R3HDM2: variants seen among roughly 807,000 people sequenced by gnomAD.
R3HDM2 encodes R3H domain containing 2, also known as R3H domain-containing protein 2.
Under a neutral mutation model 124.5 loss-of-function variants are expected in R3HDM2, and 38 were observed. The observed-to-expected ratio is 0.31, with a 90% CI of 0.24 to 0.40. R3HDM2 has a LOEUF of 0.40. R3HDM2 is among the 10% of genes least tolerant of loss of function. The pLI is 1.00. For missense variants in R3HDM2, 869 were observed against 1,236.9 expected (o/e 0.70, Z 4.46); for synonymous variants, 391 against 448.0 (o/e 0.87, Z 1.61).
intron 11 of R3HDM2, among the ~76,000 whole-genome samples, chr12:57,290,284 G>A (rs1300492231): frequency 6.6e-6 from 1 of 152,220 alleles, no homozygotes; most frequent in Non-Finnish European, 1.5e-5. Flanking sequence ...ACACATCACA[G>A]ATAGTCAGCT....
At chr12:57,353,849 GT>G (rs372758356) in intron 2 of R3HDM2, among the ~76,000 whole-genome samples, 7 of 151,736 alleles carry the variant, frequency 4.6e-5, no homozygotes, top group African/African-American at 9.7e-5. Flanking sequence ...GTAAAAATAT[GT>G]TTTTTTTATT....
chr12:57,364,224 T>A (rs1167335836), intron 2 of R3HDM2, among the ~76,000 whole-genome samples: 1 of 143,762 alleles, frequency 7.0e-6, no homozygotes, highest in African/African-American at 2.6e-5. Flanking sequence ...CTCAGTCAAC[T>A]GCAACCTTCA....
In R3HDM2 at chr12:57,363,666, T is replaced by C. The variant is rs191975992; in HGVS notation, c.-36+32083A>G. 1.7e-4 allele frequency among the ~76,000 whole-genome samples: 26 copies of C among 152,294 alleles called. No individual in the cohort carries two copies. The East Asian group carries it at 3.5e-3, about 20-fold the overall frequency. On this transcript the variant is annotated intron_variant, in intron 2 of 23. Coordinates refer to ENST00000402412, the MANE Select transcript of R3HDM2 (RefSeq NM_001394031.1). ...CATTACACATTAGAGTATCAAAACATCATCACTATGTAACCCATAAATATA... is the reference window on the plus strand; with the variant it reads ...CATTACACATTAGAGTATCAAAACACCATCACTATGTAACCCATAAATATA...
chr12:57,355,353 G>C (rs529784449), intron 2 of R3HDM2, among the ~76,000 whole-genome samples: 1 of 151,254 alleles, frequency 6.6e-6, no homozygotes, highest in South Asian at 2.1e-4. Flanking sequence ...CAACTACTCG[G>C]GAGGCTGAGG....
intron 2 of R3HDM2, among the ~76,000 whole-genome samples, chr12:57,380,848 C>A (rs1270200264): frequency 6.6e-6 from 1 of 152,134 alleles, no homozygotes; most frequent in African/African-American, 2.4e-5. Context: ...TGAAATGCCT[C>A]AAGGTGTGTA....
chr12:57,406,641 A>G (rs1160178362), intron 1 of R3HDM2, among the ~76,000 whole-genome samples: 4 of 152,220 alleles, frequency 2.6e-5, no homozygotes, highest in Non-Finnish European at 4.4e-5. Context: ...ATGAAGTTCA[A>G]TGAAGTAAGG....
At chr12:57,336,156 G>T (rs2058825031) in intron 2 of R3HDM2, among the ~76,000 whole-genome samples, 1 of 151,646 alleles carries the variant, frequency 6.6e-6, no homozygotes, top group South Asian at 2.1e-4. Context: ...AATAACAGAT[G>T]CTGGTGAGGT....
chr12:57,299,158 T>TGTG (rs2050553926), intron 6 of R3HDM2, among the ~76,000 whole-genome samples, 194 bp downstream of exon 6: 1 of 152,222 alleles, frequency 6.6e-6, no homozygotes, highest in Non-Finnish European at 1.5e-5. Flanking sequence ...AGTAGCTGTC[T>TGTG]GTGGCATGTG....
At chr12:57,416,199 C>CA (rs1422961181) in intron 1 of R3HDM2, among the ~76,000 whole-genome samples, 3 of 151,492 alleles carry the variant, frequency 2.0e-5, no homozygotes, top group African/African-American at 7.3e-5. Context: ...TACAGTAACA[C>CA]AAAAAACTGT....
chr12:57,302,339 T>C (rs1217243561), intron 4 of R3HDM2, among the ~76,000 whole-genome samples: 1 of 147,264 alleles, frequency 6.8e-6, no homozygotes, highest in Non-Finnish European at 1.5e-5. Context: ...ATCCTAGCAC[T>C]TTGTGGGGCT....
chr12:57,340,762 G>C (rs1320265357), intron 2 of R3HDM2, among the ~76,000 whole-genome samples: 1 of 152,058 alleles, frequency 6.6e-6, no homozygotes, highest in Non-Finnish European at 1.5e-5. Context: ...AACACACATT[G>C]ACAGATAGGT....
At position 57,301,272 on chromosome 12, in the gene R3HDM2, A is replaced by T. The variant is rs139976948; in HGVS notation, c.208-1091T>A. Among the ~76,000 whole-genome samples, 508 of 152,294 alleles carry T rather than the reference A, an allele frequency of 3.3e-3. 10 individuals are homozygous for T. Among genetic ancestry groups the T allele is most frequent in the Admixed American group, 0.03 (457 of 15,298 alleles). ...CCACTATGCAAATCATTTCCCTCCT[A>T]GGGACCCACCCAAAGCTAAAAACTA... On this transcript the variant is annotated intron_variant, in intron 4 of 23. Coordinates refer to ENST00000402412, the MANE Select transcript of R3HDM2 (RefSeq NM_001394031.1).
At chr12:57,284,495 C>T (rs1380519055) in intron 12 of R3HDM2, among the ~76,000 whole-genome samples, 1 of 152,218 alleles carries the variant, frequency 6.6e-6, no homozygotes, top group Non-Finnish European at 1.5e-5. Flanking sequence ...GAGCCAATGA[C>T]ATGGATAAAA....
chr12:57,329,051 C>T (rs2057731341), intron 2 of R3HDM2, among the ~76,000 whole-genome samples: 1 of 152,150 alleles, frequency 6.6e-6, no homozygotes, highest in East Asian at 1.9e-4. Flanking sequence ...ATAAAAAACA[C>T]ACACTAAGTA....
At chr12:57,275,742 G>A (rs1343100935) in intron 14 of R3HDM2, among the ~76,000 whole-genome samples, 1 of 152,168 alleles carries the variant, frequency 6.6e-6, no homozygotes, top group Admixed American at 6.5e-5. Flanking sequence ...CTAATGATCA[G>A]GGAAATCCAT....
intron 4 of R3HDM2, among the ~76,000 whole-genome samples, chr12:57,301,136 A>G (rs1366079039): frequency 6.6e-6 from 1 of 151,856 alleles, no homozygotes. Context: ...AAAAAAAAAT[A>G]AAAAAAAGAG....
chr12:57,285,394 G>T (rs1298592665), intron 12 of R3HDM2, among the ~76,000 whole-genome samples: 2 of 151,972 alleles, frequency 1.3e-5, no homozygotes, highest in Non-Finnish European at 2.9e-5. Context: ...GGCACAACTG[G>T]TTAGGAACAT....
intron 14 of R3HDM2, among the ~76,000 whole-genome samples, chr12:57,277,738 G>T (rs1382143087): frequency 2.6e-5 from 4 of 152,090 alleles, no homozygotes; most frequent in Non-Finnish European, 4.4e-5. Context: ...GTGAGCTACC[G>T]CACCCAGTCT....
chr12:57,398,936 C>T (rs2067816731), intron 1 of R3HDM2, among the ~76,000 whole-genome samples: 1 of 152,170 alleles, frequency 6.6e-6, no homozygotes, highest in African/African-American at 2.4e-5. Context: ...ACCAGCATAG[C>T]ATTGAAGAGT....
Sources: allele counts gnomAD v4.1 joint callset (sites outside exome capture counted in the v4.1 genomes callset), GRCh38; gene constraint gnomAD v4.1.1; transcripts MANE v1.5; gene names NCBI Gene and HGNC (gene_info 2026-07-23, HGNC 2026-07-21).